NCAM2: variants seen among roughly 807,000 people sequenced by gnomAD.
The protein encoded by NCAM2 is N-CAM-2.
Under a neutral mutation model 98.1 loss-of-function variants are expected in NCAM2, and 30 were observed. The observed-to-expected ratio is 0.31, with a 90% CI of 0.23 to 0.41. The LOEUF (loss-of-function observed/expected upper bound fraction) is 0.41. NCAM2 is among the 10% of genes least tolerant of loss of function. NCAM2 has a pLI of 1.00. For missense variants in NCAM2, 867 were observed against 1,005.8 expected (o/e 0.86, Z 1.87); for synonymous variants, 368 against 342.4 (o/e 1.07, Z -0.83).
At position 21,383,417 on chromosome 21, in the gene NCAM2, T is replaced by G. The variant is rs569799070; in HGVS notation, c.1195+9404T>G. ...ACATTATGTATGCTTTTTTCCAAGA[T>G]ACCTCTGTCCTTCTGGACAAGTTTT... On this transcript the variant is annotated intron_variant, in intron 9 of 17. Coordinates refer to ENST00000400546, the MANE Select transcript of NCAM2 (RefSeq NM_004540.5). 3.9e-4 allele frequency among the ~76,000 whole-genome samples: 60 copies of G among 152,302 alleles called. No individual in the cohort carries two copies. The South Asian group carries it at 0.012, about 32-fold the overall frequency.
At chr21:21,132,027 T>A (rs1403379930) in intron 1 of NCAM2, among the ~76,000 whole-genome samples, 3 of 152,180 alleles carry the variant, frequency 2.0e-5, no homozygotes, top group African/African-American at 7.2e-5. Context: ...AAAATCTGGG[T>A]GTTAGCATCT....
intron 15 of NCAM2, among the ~76,000 whole-genome samples, chr21:21,480,846 G>A (rs1341753505): frequency 6.6e-6 from 1 of 152,198 alleles, no homozygotes; most frequent in African/African-American, 2.4e-5. Flanking sequence ...TGACTTCTAG[G>A]TTTCTTGCTT....
intron 1 of NCAM2, among the ~76,000 whole-genome samples, chr21:21,214,640 G>C (rs2069793360): frequency 6.7e-6 from 1 of 150,154 alleles, no homozygotes; most frequent in South Asian, 2.1e-4. Context: ...AATTTGGGCA[G>C]AGATAGTCAA....
At chr21:21,301,747 G>A (rs1242003766) in intron 5 of NCAM2, among the ~76,000 whole-genome samples, 1 of 151,430 alleles carries the variant, frequency 6.6e-6, no homozygotes, top group African/African-American at 2.4e-5. Flanking sequence ...AGTATTCCAT[G>A]GTGTAACAAA....
rs573704807 is a variant in NCAM2, at chr21:20,999,352, T to TAA, written c.55+745_55+746dup. 5.4e-3 allele frequency among the ~76,000 whole-genome samples: 790 copies of TAA among 146,192 alleles called. 8 individuals are homozygous for TAA. The highest frequency in any genetic ancestry group is 0.019 in the African/African-American group (754 of 40,166). The stretch of plus-strand genomic sequence containing the variant: ...AGAACTGGTGGAAGCTTTTATCTCT[T>TAA]AAAAAAAAAAAATGAATAGCCTGGT... On this transcript the variant is annotated intron_variant, in intron 1 of 17. Coordinates refer to ENST00000400546, the MANE Select transcript of NCAM2 (RefSeq NM_004540.5).
At chr21:21,090,975 A>G (rs1448831481) in intron 1 of NCAM2, among the ~76,000 whole-genome samples, 1 of 152,042 alleles carries the variant, frequency 6.6e-6, no homozygotes, top group Admixed American at 6.6e-5. Context: ...ATTCACTACC[A>G]TTGGATGTCT....
intron 1 of NCAM2, among the ~76,000 whole-genome samples, chr21:21,004,149 A>T (rs999842669): frequency 3.9e-5 from 6 of 152,208 alleles, no homozygotes; most frequent in Non-Finnish European, 7.4e-5. Flanking sequence ...ACTTGTTCAT[A>T]GATTTTATTT....
At chr21:21,161,900 G>A (rs897060353) in intron 1 of NCAM2, among the ~76,000 whole-genome samples, 4 of 151,898 alleles carry the variant, frequency 2.6e-5, no homozygotes, top group Admixed American at 6.6e-5. Flanking sequence ...AGGTTATTGG[G>A]TACAGTTTAG....
chr21:21,380,989 G>C (rs2076142102), intron 9 of NCAM2, among the ~76,000 whole-genome samples: 1 of 151,992 alleles, frequency 6.6e-6, no homozygotes, highest in South Asian at 2.1e-4. Context: ...CTTTTTGTTT[G>C]TATAACACTT....
chr21:21,141,918 C>T (rs2067175504), intron 1 of NCAM2, among the ~76,000 whole-genome samples: 1 of 152,086 alleles, frequency 6.6e-6, no homozygotes, highest in African/African-American at 2.4e-5. Flanking sequence ...ATCTTTGCTT[C>T]CAGACATTTT....
intron 1 of NCAM2, among the ~76,000 whole-genome samples, chr21:21,249,891 G>C (rs1381718177): frequency 1.3e-5 from 2 of 152,046 alleles, no homozygotes; most frequent in Non-Finnish European, 2.9e-5. Flanking sequence ...GTCTGATTTA[G>C]CACATCCACA....
At chr21:21,467,382 TTA>T (rs34963977) in intron 13 of NCAM2, among the ~76,000 whole-genome samples, 45,001 of 143,404 alleles carry the variant, frequency 0.31, 7,350 homozygotes, top group Middle Eastern at 0.39. Flanking sequence ...ATATATATCT[TTA>T]TATATATATA....
At chr21:21,040,081 G>A (rs1447542140) in intron 1 of NCAM2, among the ~76,000 whole-genome samples, 1 of 152,048 alleles carries the variant, frequency 6.6e-6, no homozygotes, top group East Asian at 1.9e-4. Context: ...TTTAATTTCT[G>A]TCATACCACA....
Position 21,062,497 on chromosome 21 carries a change from A to G in NCAM2, c.55+63879A>G, listed in dbSNP as rs149092380. On this transcript the variant is annotated intron_variant, in intron 1 of 17. Transcript: ENST00000400546. The stretch of plus-strand genomic sequence containing the variant: ...AAATGTTGGGCATCTATTCAGAGCC[A>G]TGTGTTAGGCACTCAGGGAACAGGA... Among the ~76,000 whole-genome samples, 670 of 152,322 alleles carry G rather than the reference A, an allele frequency of 4.4e-3. 1 individual carries two copies. Among genetic ancestry groups the G allele is most frequent in the African/African-American group, 0.016 (652 of 41,582 alleles).
intron 1 of NCAM2, among the ~76,000 whole-genome samples, chr21:21,111,634 G>T (rs1601398852): frequency 6.6e-6 from 1 of 152,192 alleles, no homozygotes. Context: ...CGAGAAGAAA[G>T]CACAGTAGAT....
chr21:20,998,986 G>A (rs752791736), intron 1 of NCAM2, among the ~76,000 whole-genome samples: 3 of 152,100 alleles, frequency 2.0e-5, no homozygotes, highest in Non-Finnish European at 4.4e-5. Flanking sequence ...GAAGGAAAGG[G>A]CACGATGGTG....
intron 8 of NCAM2, among the ~76,000 whole-genome samples, chr21:21,348,291 C>G (rs374369645): frequency 2.4e-4 from 36 of 152,114 alleles, no homozygotes; most frequent in African/African-American, 8.7e-4. Context: ...ATACAAAAAT[C>G]AGTAGCATTT....
chr21:21,016,753 G>A (rs73228200), intron 1 of NCAM2, among the ~76,000 whole-genome samples: 7,224 of 152,072 alleles, frequency 0.048, 216 homozygotes, highest in Non-Finnish European at 0.058. Flanking sequence ...ATTTAAAAAG[G>A]TTTTACAAAT....
intron 9 of NCAM2, among the ~76,000 whole-genome samples, chr21:21,397,170 G>A (rs1310750009): frequency 6.6e-6 from 1 of 152,132 alleles, no homozygotes; most frequent in Non-Finnish European, 1.5e-5. Context: ...GAGGGAGGAA[G>A]TGCTGATTGG....
Sources: allele counts gnomAD v4.1 joint callset (sites outside exome capture counted in the v4.1 genomes callset), GRCh38; gene constraint gnomAD v4.1.1; transcripts MANE v1.5; gene names NCBI Gene and HGNC (gene_info 2026-07-23, HGNC 2026-07-21).